The following CERS6 variants were observed in gnomAD, a reference collection of about 807,000 sequenced individuals.
The protein encoded by CERS6 is ceramide synthase 6, also known as LAG1 homolog, ceramide synthase 6.
In CERS6, 26 loss-of-function variants were observed where a neutral mutation model predicts 56.8. The ratio of observed to expected loss-of-function variants is 0.46; its 90% CI spans 0.34 to 0.63. The LOEUF is 0.63. CERS6 is among the 30% of genes least tolerant of loss of function. The pLI, the probability that CERS6 is intolerant of heterozygous loss-of-function variation, is 0.01. For synonymous variants in CERS6, 164 were observed against 173.3 expected, an observed-to-expected ratio of 0.95 and a Z score of 0.42; for missense variants, 415 against 467.5, an observed-to-expected ratio of 0.89 and a Z score of 1.04.
Position 168,772,142 on chromosome 2 carries a change from TA to T in CERS6, c.*2481del, listed in dbSNP as rs1030406457. The T allele has an allele frequency of 6.6e-6, 1 of 152,194 alleles. No homozygotes were observed. The highest frequency in any genetic ancestry group is 6.5e-5 in the Admixed American group (1 of 15,280). The allele number at this position is 152,194 out of a possible 1,614,324, so 9.4% of individuals were successfully genotyped here. A position where few individuals can be genotyped will look rare whatever the true frequency, so the allele number is the denominator to read the frequency against. On this transcript the variant is annotated 3_prime_UTR_variant, in exon 10 of 10. Coordinates refer to ENST00000305747, the MANE Select transcript of CERS6 (RefSeq NM_203463.3). ...CTCATCCTCCCCCTGTACCAGGCCA[TA>T]GCTTTGAAGTGTATTTTGTAAATTC... is the stretch of plus-strand genomic sequence containing the variant.
chr2:168,496,523 C>T (rs537593165), intron 1 of CERS6, among the ~76,000 whole-genome samples: 1 of 152,256 alleles, frequency 6.6e-6, no homozygotes, highest in East Asian at 1.9e-4. Flanking sequence ...ACACTATCAC[C>T]AGCACCTGGG....
intron 1 of CERS6, among the ~76,000 whole-genome samples, chr2:168,513,008 G>A (rs186910677): frequency 1.3e-5 from 2 of 152,114 alleles, no homozygotes; most frequent in Admixed American, 6.6e-5. Context: ...TTGTTGGTTT[G>A]TACTTTTCTC....
At position 168,520,598 on chromosome 2, in the gene CERS6, C is replaced by CTTTTTTTTTTTT. The variant is rs150724635; in HGVS notation, c.171-26980_171-26969dup. Among the ~76,000 whole-genome samples, 455 of 57,908 alleles carry CTTTTTTTTTTTT rather than the reference C, an allele frequency of 7.9e-3. 59 individuals are homozygous for CTTTTTTTTTTTT. Among genetic ancestry groups the CTTTTTTTTTTTT allele is most frequent in the South Asian group, 0.014 (14 of 992 alleles). 38.0% of individuals were successfully genotyped at this position (57,908 alleles called of 152,430 possible). ...TTAACTCTTTAACATTTACAATATC[C>CTTTTTTTTTTTT]TTTTTTTTTTTTTTTTTTTTTTTTT... On this transcript the variant is annotated intron_variant, in intron 1 of 9. Coordinates refer to ENST00000305747, the MANE Select transcript of CERS6 (RefSeq NM_203463.3).
intron 6 of CERS6, among the ~76,000 whole-genome samples, chr2:168,695,381 A>G (rs2288187): frequency 0.033 from 5,063 of 152,254 alleles, 119 homozygotes; most frequent in East Asian, 0.14. Flanking sequence ...TTCTATTTGT[A>G]GCTCCTGGGA....
intron 4 of CERS6, among the ~76,000 whole-genome samples, chr2:168,668,042 C>T (rs1362325276): frequency 1.3e-5 from 2 of 152,080 alleles, no homozygotes; most frequent in East Asian, 3.9e-4. Flanking sequence ...AGTTGTAAAT[C>T]GATTTGAGGT....
chr2:168,690,951 A>G, intron 4 of CERS6, 83 bp from the exon 5 acceptor site: 1 of 1,231,222 alleles, frequency 8.1e-7, no homozygotes, highest in South Asian at 1.3e-5. Flanking sequence ...CAAAAATATT[A>G]GGGCAAGAGC....
At chr2:168,763,167 G>A (rs1180532358) in intron 8 of CERS6, among the ~76,000 whole-genome samples, 3 of 151,552 alleles carry the variant, frequency 2.0e-5, no homozygotes, top group African/African-American at 7.3e-5. Context: ...GTGAGGCAGT[G>A]CCTAGCCTCT....
chr2:168,707,751 A>G (rs1686994039), intron 6 of CERS6, among the ~76,000 whole-genome samples: 1 of 152,176 alleles, frequency 6.6e-6, no homozygotes, highest in Non-Finnish European at 1.5e-5. Flanking sequence ...CCCAGAATCA[A>G]CTGATTTCTG....
chr2:168,547,649 A>T lies in CERS6; in HGVS notation c.224A>T (p.Gln75Leu), dbSNP rs763858278. The change falls in exon 2 of 10, where the codon CAA (glutamine) becomes CTA (leucine). Residue 75 changes from glutamine to leucine, a missense_variant. Coordinates refer to ENST00000305747, the MANE Select transcript of CERS6 (RefSeq NM_203463.3). ...IALNIQANGP[Q>L]IAPPNAILEK... ...CTCAACATTCAGGCCAATGGACCAC[A>T]AATTGCTCCGCCCAATGCCATTCTG... 2.5e-6 allele frequency: 4 copies of T among 1,613,986 alleles called. No homozygotes were observed. The Admixed American group carries it at 5.0e-5, about 20-fold the overall frequency.
At chr2:168,644,223 G>A (rs1685118891) in intron 4 of CERS6, 2 of 921,864 alleles carry the variant, frequency 2.2e-6, no homozygotes, top group South Asian at 1.0e-4. Flanking sequence ...TTTCAGATAG[G>A]GTGCTCAGGG....
At chr2:168,477,214 A>AGAGAGAGAGAGAGAGAGT (rs1694093165) in intron 1 of CERS6, among the ~76,000 whole-genome samples, 13 of 136,788 alleles carry the variant, frequency 9.5e-5, no homozygotes, top group African/African-American at 3.8e-4. Flanking sequence ...AGAGAGAGAG[A>AGAGAGAGAGAGAGAGAGT]GAGAGTCTCA....
At chr2:168,568,499 A>C (rs921877365) in intron 3 of CERS6, among the ~76,000 whole-genome samples, 1 of 152,264 alleles carries the variant, frequency 6.6e-6, no homozygotes, top group African/African-American at 2.4e-5. Context: ...CATAATGTTC[A>C]TACAGAATTG....
At chr2:168,746,809 AT>A (rs1559078552) in intron 8 of CERS6, among the ~76,000 whole-genome samples, 22 of 114,634 alleles carry the variant, frequency 1.9e-4, no homozygotes, top group South Asian at 2.7e-4. Context: ...ATATATATAT[AT>A]ATATATATAT....
chr2:168,573,671 C>T (rs1683174213), intron 3 of CERS6, among the ~76,000 whole-genome samples: 2 of 151,866 alleles, frequency 1.3e-5, no homozygotes, highest in Admixed American at 1.3e-4. Context: ...ACCTTTGGTG[C>T]TCATTATCAG....
rs1684815933 is a variant in CERS6 at position 168,769,685 on chromosome 2, A to G, written c.*23A>G. On this transcript the variant is annotated 3_prime_UTR_variant, in exon 10 of 10. Transcript: ENST00000305747. ...TAATTACTCAAAACTACAAGTCCCAAGCAAAGTGAACTATTTGTTCCTGGA... is the reference window on the plus strand; with the variant it reads ...TAATTACTCAAAACTACAAGTCCCAGGCAAAGTGAACTATTTGTTCCTGGA... 6.2e-7 allele frequency: 1 copy of G among 1,606,062 alleles called. No homozygotes were observed. Among genetic ancestry groups the G allele is most frequent in the Non-Finnish European group, 8.5e-7 (1 of 1,177,058 alleles).
intron 1 of CERS6, among the ~76,000 whole-genome samples, chr2:168,473,926 C>T (rs1348652937): frequency 6.6e-6 from 1 of 152,052 alleles, no homozygotes; most frequent in Non-Finnish European, 1.5e-5. Flanking sequence ...GGTGTGGTGG[C>T]ACGCACCTGT....
At chr2:168,732,985 GT>G (rs1683592877) in intron 8 of CERS6, among the ~76,000 whole-genome samples, 2 of 152,048 alleles carry the variant, frequency 1.3e-5, no homozygotes, top group African/African-American at 4.8e-5. Context: ...AAAAGATACA[GT>G]GATGCCGAGT....
intron 2 of CERS6, among the ~76,000 whole-genome samples, chr2:168,551,588 C>T (rs1038568689): frequency 1.3e-5 from 2 of 152,100 alleles, no homozygotes; most frequent in South Asian, 2.1e-4. Context: ...ATCTCACAGG[C>T]GTTCATGAGG....
intron 6 of CERS6, among the ~76,000 whole-genome samples, 172 bp from the exon 7 acceptor site, chr2:168,714,829 C>T (rs1206045395): frequency 6.6e-6 from 1 of 152,124 alleles, no homozygotes; most frequent in Non-Finnish European, 1.5e-5. Flanking sequence ...ATGTGTCTCT[C>T]CCAACACGTG....
Sources: gnomAD v4.1 joint callset for allele counts (sites outside exome capture counted in the v4.1 genomes callset) on GRCh38, gnomAD v4.1.1 for gene constraint, MANE v1.5 for transcripts, NCBI Gene and HGNC (gene_info 2026-07-23, HGNC 2026-07-21) for gene names.